Variants in ADAMTS12 observed in about 807,000 individuals in gnomAD.
ADAMTS12 encodes ADAM metallopeptidase with thrombospondin type 1 motif 12.
ADAMTS12 carries 118 observed loss-of-function variants against 167.8 expected under a neutral mutation model. The observed-to-expected ratio is 0.70, with a 90% CI of 0.61 to 0.82. The LOEUF is 0.82. Ranked by LOEUF, ADAMTS12 falls within the 40% of genes least tolerant of loss-of-function variation. The pLI, the probability that ADAMTS12 is intolerant of heterozygous loss-of-function variation, is 0.00. For missense variants in ADAMTS12, 1,916 were observed against 1,998.8 expected, an observed-to-expected ratio of 0.96 and a Z score of 0.79; for synonymous variants, 704 against 716.9, an observed-to-expected ratio of 0.98 and a Z score of 0.29.
chr5:33,653,595 G>A (rs577605750), intron 7 of ADAMTS12, among the ~76,000 whole-genome samples: 1 of 152,136 alleles, frequency 6.6e-6, no homozygotes, highest in East Asian at 1.9e-4. Flanking sequence ...GTTGTCGACA[G>A]GTCTTTTCTT....
intron 3 of ADAMTS12, among the ~76,000 whole-genome samples, chr5:33,727,774 C>T (rs1382482803): frequency 6.6e-6 from 1 of 152,332 alleles, no homozygotes; most frequent in South Asian, 2.1e-4. Context: ...ACAGACCATC[C>T]TATCGTCTCC....
intron 2 of ADAMTS12, among the ~76,000 whole-genome samples, chr5:33,784,188 A>C (rs1485271487): frequency 6.6e-6 from 1 of 151,958 alleles, no homozygotes; most frequent in Non-Finnish European, 1.5e-5. Context: ...GAAACTAGAA[A>C]TATGAGGGAG....
rs536398666 is a variant in ADAMTS12, at chr5:33,608,918, T to C, written c.2527+5320A>G. Among the ~76,000 whole-genome samples, 8 of 152,254 alleles carry C rather than the reference T, an allele frequency of 5.3e-5. 1 individual carries two copies. The South Asian group carries it at 1.7e-3, about 32-fold the overall frequency. On this transcript the variant is annotated intron_variant, in intron 16 of 23. Transcript: ENST00000504830. ...TTCCAGCTACTAGGATGCGCGCATA[T>C]TTAACCTGAATTACATGTAGGTGGG...
At chr5:33,694,240 TA>T (rs1742666495) in intron 3 of ADAMTS12, among the ~76,000 whole-genome samples, 2 of 152,212 alleles carry the variant, frequency 1.3e-5, no homozygotes, top group Non-Finnish European at 2.9e-5. Flanking sequence ...CAAAGCAATT[TA>T]AAAATTCAAA....
intron 5 of ADAMTS12, among the ~76,000 whole-genome samples, chr5:33,677,126 G>A (rs906440897): frequency 6.6e-6 from 1 of 152,104 alleles, no homozygotes; most frequent in African/African-American, 2.4e-5. Context: ...CCCTGATTTT[G>A]TCCTTTAGGT....
intron 20 of ADAMTS12, among the ~76,000 whole-genome samples, chr5:33,553,328 C>G (rs1222452173): frequency 2.0e-5 from 3 of 152,156 alleles, no homozygotes; most frequent in East Asian, 1.9e-4. Context: ...GACCTAAAGA[C>G]AGAAATACTA....
rs893810311 is a variant in ADAMTS12 at position 33,534,986 on chromosome 5, T to C, written c.4453A>G (p.Thr1485Ala). The C allele has an allele frequency of 1.9e-6, 3 of 1,603,702 alleles. No homozygotes were observed. Among genetic ancestry groups the C allele is most frequent in the Non-Finnish European group, 2.5e-6 (3 of 1,177,016 alleles). Residue 1485 changes from threonine (T) to alanine (A), a missense_variant, in exon 23 of 24, where the codon ACT (threonine) becomes GCT (alanine). Transcript: ENST00000504830. ...TTCTGAAAGCCACCTCCACAGGAAGTGGAACACTGAAAGAGAAGGTGAACA... is the reference window on the plus strand; with the variant it reads ...TTCTGAAAGCCACCTCCACAGGAAGCGGAACACTGAAAGAGAAGGTGAACA... ...WATGNWDLCS[T>A]SCGGGFQKRT...
chr5:33,649,338 G>C (rs1434858903), intron 8 of ADAMTS12, among the ~76,000 whole-genome samples: 6 of 152,190 alleles, frequency 3.9e-5, no homozygotes, highest in Non-Finnish European at 8.8e-5. Context: ...GGATGGGACA[G>C]GATGCTCACC....
At chr5:33,546,995 G>A (rs915188566) in intron 21 of ADAMTS12, among the ~76,000 whole-genome samples, 22 of 152,234 alleles carry the variant, frequency 1.4e-4, no homozygotes, top group Admixed American at 9.2e-4. Context: ...TAGAAAACAG[G>A]GAAATTATAT....
intron 5 of ADAMTS12, among the ~76,000 whole-genome samples, chr5:33,679,657 A>G (rs1481416204): frequency 6.6e-6 from 1 of 152,110 alleles, no homozygotes; most frequent in African/African-American, 2.4e-5. Flanking sequence ...CTATCCCAGT[A>G]CTTCTATACT....
At chr5:33,709,498 A>C (rs1233687917) in intron 3 of ADAMTS12, among the ~76,000 whole-genome samples, 1 of 152,234 alleles carries the variant, frequency 6.6e-6, no homozygotes, top group East Asian at 1.9e-4. Flanking sequence ...AACGTGGTAC[A>C]TATACACCAT....
chr5:33,841,540 AT>A (rs1275497827), intron 2 of ADAMTS12, among the ~76,000 whole-genome samples: 1 of 152,208 alleles, frequency 6.6e-6, no homozygotes, highest in African/African-American at 2.4e-5. Context: ...CATTTGGAGC[AT>A]AACCCATTTT....
chr5:33,667,510 A>G (rs1579816463), intron 5 of ADAMTS12, among the ~76,000 whole-genome samples: 2 of 152,170 alleles, frequency 1.3e-5, no homozygotes, highest in East Asian at 3.9e-4. Context: ...CTCAAAGACT[A>G]TATTTTCTCT....
chr5:33,734,492 G>A (rs879804226), intron 3 of ADAMTS12, among the ~76,000 whole-genome samples: 2 of 152,058 alleles, frequency 1.3e-5, no homozygotes, highest in Admixed American at 6.5e-5. Context: ...TCACAATTGT[G>A]AATTAAAAAA....
chr5:33,873,768 A>G (rs1284392482), intron 2 of ADAMTS12, among the ~76,000 whole-genome samples: 2 of 152,328 alleles, frequency 1.3e-5, no homozygotes, highest in East Asian at 1.9e-4. Flanking sequence ...AATATAATCA[A>G]CTTATCTTTG....
intron 1 of ADAMTS12, among the ~76,000 whole-genome samples, chr5:33,888,906 GT>G (rs1750744186): frequency 6.6e-6 from 1 of 152,198 alleles, no homozygotes; most frequent in Non-Finnish European, 1.5e-5. Flanking sequence ...CAAATAGCCT[GT>G]TTCTATGTTT....
At position 33,866,930 on chromosome 5, in the gene ADAMTS12, TA is replaced by T. The variant is rs999861610; in HGVS notation, c.489+14188del. Reference sequence around the variant, plus strand: ...TGCAAAAGTGGTCATTATTTAAAAGTAAAAAAAAAATAAATAAATAAATGTT... The same window carrying T: ...TGCAAAAGTGGTCATTATTTAAAAGTAAAAAAAAATAAATAAATAAATGTT... On this transcript the variant is annotated intron_variant, in intron 2 of 23. Transcript: ENST00000504830. Among the ~76,000 whole-genome samples the T allele has an allele frequency of 3.6e-3, 537 of 148,560 alleles. 3 individuals carry two copies. The highest frequency in any genetic ancestry group is 0.013 in the African/African-American group (507 of 40,528).
chr5:33,724,819 G>A (rs1295812035), intron 3 of ADAMTS12, among the ~76,000 whole-genome samples: 3 of 152,114 alleles, frequency 2.0e-5, no homozygotes, highest in Non-Finnish European at 4.4e-5. Flanking sequence ...CCAAAGTGCT[G>A]GGATTACAGG....
chr5:33,693,846 G>T (rs998509944), intron 3 of ADAMTS12, among the ~76,000 whole-genome samples: 33 of 152,160 alleles, frequency 2.2e-4, no homozygotes, highest in African/African-American at 7.5e-4. Context: ...AGAAATAAAA[G>T]GTATCCAAAT....
Sources: gnomAD v4.1 joint callset for allele counts (sites outside exome capture counted in the v4.1 genomes callset) on GRCh38, gnomAD v4.1.1 for gene constraint, MANE v1.5 for transcripts, NCBI Gene and HGNC (gene_info 2026-07-23, HGNC 2026-07-21) for gene names.